CSMD1: variants seen among roughly 807,000 people sequenced by gnomAD.
CSMD1 encodes CUB and Sushi multiple domains 1.
CSMD1 carries 213 observed loss-of-function variants against 417.5 expected under a neutral mutation model. The observed-to-expected ratio is 0.51, with a 90% CI of 0.46 to 0.57. The LOEUF is 0.57. Among genes scored for constraint, CSMD1 ranks in the 20% least tolerant of loss-of-function variants. CSMD1 has a pLI of 0.00. For synonymous variants in CSMD1, 2,862 were observed against 1,736.8 expected, an observed-to-expected ratio of 1.65 and a Z score of -16.11; for missense variants, 6,923 against 4,529.7, an observed-to-expected ratio of 1.53 and a Z score of -15.17.
chr8:4,040,655 C>T (rs939400583), intron 3 of CSMD1, among the ~76,000 whole-genome samples: 3 of 151,986 alleles, frequency 2.0e-5, no homozygotes, highest in African/African-American at 7.2e-5. Context: ...ACAACCATAA[C>T]ATAGTTTTAA....
rs573653143 is a variant in CSMD1 at position 3,230,292 on chromosome 8, G to A, written c.4154-61C>T. Reference sequence around the variant, plus strand: ...AAAACATGGTTTCCACATTCTTGTCGGTGTGGTTGTTCTTGTGGGTTGAAG... The same window carrying A: ...AAAACATGGTTTCCACATTCTTGTCAGTGTGGTTGTTCTTGTGGGTTGAAG... On this transcript the variant is annotated intron_variant, in intron 26 of 69. Coordinates refer to ENST00000635120, the MANE Select transcript of CSMD1 (RefSeq NM_033225.6). 1.0e-4 allele frequency: 139 copies of A among 1,350,308 alleles called. No individual in the cohort carries two copies. In the African/African-American group the frequency reaches 1.7e-3, roughly 16 times the overall value. The allele number at this position is 1,350,308 out of a possible 1,614,324, so 83.6% of individuals were successfully genotyped here. A position where few individuals can be genotyped will look rare whatever the true frequency, so the allele number is the denominator to read the frequency against.
intron 10 of CSMD1, among the ~76,000 whole-genome samples, chr8:3,508,926 A>G (rs771532875): frequency 4.1e-4 from 62 of 152,298 alleles, no homozygotes; most frequent in Middle Eastern, 6.8e-3. Context: ...TAAATTTTTA[A>G]AAGTCTGAGA....
intron 18 of CSMD1, among the ~76,000 whole-genome samples, chr8:3,373,011 C>T (rs1810071171): frequency 6.6e-6 from 1 of 152,112 alleles, no homozygotes; most frequent in Non-Finnish European, 1.5e-5. Context: ...AATAATTTCT[C>T]AAATTTTTAT....
intron 50 of CSMD1, among the ~76,000 whole-genome samples, chr8:3,033,453 G>C (rs931604774): frequency 6.6e-6 from 1 of 152,066 alleles, no homozygotes; most frequent in Non-Finnish European, 1.5e-5. Flanking sequence ...AAGACAAGTA[G>C]TGTTAAAATA....
intron 10 of CSMD1, among the ~76,000 whole-genome samples, chr8:3,528,309 G>A (rs557092332): frequency 6.6e-6 from 1 of 152,170 alleles, no homozygotes; most frequent in Non-Finnish European, 1.5e-5. Context: ...TAATAGCTCA[G>A]TGCCAAAATT....
intron 5 of CSMD1, among the ~76,000 whole-genome samples, chr8:3,937,797 T>G (rs1473927456): frequency 1.3e-5 from 2 of 152,116 alleles, no homozygotes; most frequent in African/African-American, 4.8e-5. Flanking sequence ...ACATAGAATG[T>G]TACTTCAATT....
intron 11 of CSMD1, among the ~76,000 whole-genome samples, chr8:3,490,063 T>C (rs1262813748): frequency 6.6e-6 from 1 of 152,214 alleles, no homozygotes; most frequent in Admixed American, 6.5e-5. Context: ...TATTTGTCGA[T>C]GTATCGCCTA....
intron 26 of CSMD1, among the ~76,000 whole-genome samples, chr8:3,248,826 A>G (rs937957652): frequency 6.6e-6 from 1 of 152,040 alleles, no homozygotes; most frequent in South Asian, 2.1e-4. Flanking sequence ...GCTAAATTCT[A>G]CTTACTCTGT....
At chr8:4,719,756 C>G (rs7003892) in intron 1 of CSMD1, among the ~76,000 whole-genome samples, 2 of 151,884 alleles carry the variant, frequency 1.3e-5, no homozygotes, top group African/African-American at 4.8e-5. Context: ...TATGCACTTA[C>G]GATTTTCAAA....
chr8:3,188,814 C>A, intron 35 of CSMD1, 73 bp downstream of exon 35: 5 of 1,295,230 alleles, frequency 3.9e-6, no homozygotes, highest in Middle Eastern at 2.8e-4. Context: ...AAACATAGAA[C>A]AAAAGAATGA....
Position 3,284,179 on chromosome 8 carries a change from A to T in CSMD1, c.4118T>A (p.Phe1373Tyr). ...GATGGAGAAGCCAGACTTGCTGATG[A>T]AGAAGTCGCTGTCGAACTGCAGGGT... ...SLTLQFDSDF[F>Y]ISKSGFSIQF... The change falls in exon 26 of 70, where the codon TTC becomes TAC. Residue 1373 changes from phenylalanine to tyrosine, a missense_variant. Coordinates refer to ENST00000635120, the MANE Select transcript of CSMD1 (RefSeq NM_033225.6). 1 of 1,588,710 alleles carries T rather than the reference A, an allele frequency of 6.3e-7. No homozygotes were observed. The highest frequency in any genetic ancestry group is 8.6e-7 in the Non-Finnish European group (1 of 1,167,774).
intron 1 of CSMD1, among the ~76,000 whole-genome samples, chr8:4,708,963 A>G (rs922437367): frequency 6.6e-6 from 1 of 152,178 alleles, no homozygotes; most frequent in Non-Finnish European, 1.5e-5. Context: ...GAAAAGAGCA[A>G]TCCTGCTGAT....
chr8:3,825,165 C>T (rs572391821), intron 5 of CSMD1, among the ~76,000 whole-genome samples: 1 of 152,162 alleles, frequency 6.6e-6, no homozygotes, highest in South Asian at 2.1e-4. Flanking sequence ...TTCCCAGAAG[C>T]TGTAGGTGAG....
intron 54 of CSMD1, among the ~76,000 whole-genome samples, chr8:2,985,039 A>G (rs964442257): frequency 6.6e-6 from 1 of 152,248 alleles, no homozygotes; most frequent in Non-Finnish European, 1.5e-5. Context: ...ACCTGAGCTT[A>G]AAATTTTGGC....
intron 3 of CSMD1, among the ~76,000 whole-genome samples, chr8:4,120,262 G>T (rs1418558702): frequency 6.6e-6 from 1 of 151,524 alleles, no homozygotes; most frequent in South Asian, 2.1e-4. Flanking sequence ...AAAAGGATTT[G>T]GGGTAAAGAA....
At chr8:4,013,475 G>A (rs946057354) in intron 4 of CSMD1, among the ~76,000 whole-genome samples, 6 of 152,120 alleles carry the variant, frequency 3.9e-5, no homozygotes, top group African/African-American at 1.2e-4. Context: ...TGGGATCTTA[G>A]GTGATAAGAC....
At chr8:4,186,834 G>A (rs1477797636) in intron 3 of CSMD1, among the ~76,000 whole-genome samples, 9 of 145,098 alleles carry the variant, frequency 6.2e-5, no homozygotes, top group Non-Finnish European at 7.5e-5. Context: ...TAAAAATACA[G>A]AAAAAAAAAA....
chr8:4,510,692 C>A (rs1379335325), intron 2 of CSMD1, among the ~76,000 whole-genome samples: 5 of 144,926 alleles, frequency 3.5e-5, no homozygotes, highest in African/African-American at 1.3e-4. Context: ...CTCTTCCTTC[C>A]CCTTTCCCTT....
At chr8:4,923,543 AT>A (rs1391957071) in intron 1 of CSMD1, among the ~76,000 whole-genome samples, 1 of 150,354 alleles carries the variant, frequency 6.7e-6, no homozygotes, top group Non-Finnish European at 1.5e-5. Flanking sequence ...TATATATACT[AT>A]GTGCCCACAT....
Sources: gnomAD v4.1 joint callset for allele counts (sites outside exome capture counted in the v4.1 genomes callset) on GRCh38, gnomAD v4.1.1 for gene constraint, MANE v1.5 for transcripts, NCBI Gene and HGNC (gene_info 2026-07-23, HGNC 2026-07-21) for gene names.